The following CASZ1 variants were observed in gnomAD, a reference collection of about 807,000 sequenced individuals.
CASZ1 encodes zinc finger protein castor homolog 1.
A neutral mutation model predicts 135.2 loss-of-function variants in CASZ1; 28 were observed. The observed-to-expected ratio is 0.21, with a 90% CI of 0.15 to 0.28. The LOEUF (loss-of-function observed/expected upper bound fraction) is 0.28. CASZ1 is among the 10% of genes least tolerant of loss of function. CASZ1 has a pLI of 1.00. For synonymous variants in CASZ1, 1,068 were observed against 1,073.4 expected, an observed-to-expected ratio of 0.99 and a Z score of 0.10; for missense variants, 2,161 against 2,453.3, an observed-to-expected ratio of 0.88 and a Z score of 2.52.
intron 2 of CASZ1, among the ~76,000 whole-genome samples, chr1:10,740,390 T>A (rs1412039968): frequency 6.6e-6 from 1 of 152,198 alleles, no homozygotes; most frequent in Admixed American, 6.5e-5. Context: ...ATCTGTATAA[T>A]GGGAGAGTGA....
chr1:10,729,654 T>C (rs1002070002), intron 2 of CASZ1, among the ~76,000 whole-genome samples: 16 of 152,232 alleles, frequency 1.1e-4, no homozygotes, highest in Admixed American at 1.0e-3. Context: ...ACACAGTTTC[T>C]ACGTGCCCTA....
In CASZ1 at chr1:10,785,876, T is replaced by C. The variant is rs1463389183; in HGVS notation, c.-234+10688A>G. Among the ~76,000 whole-genome samples, 4 of 152,328 alleles carry C rather than the reference T, an allele frequency of 2.6e-5. No individual in the cohort carries two copies. In the East Asian group the frequency reaches 7.7e-4, roughly 29 times the overall value. ...AAGCTCAAAGTGGAACCCCAGCAAA[T>C]GTCAGCTGGGATCCTCTCATCTAAT... On this transcript the variant is annotated intron_variant, in intron 1 of 20. Coordinates refer to ENST00000377022, the MANE Select transcript of CASZ1 (RefSeq NM_001079843.3).
In CASZ1 at chr1:10,676,750, C is replaced by T. The variant is rs3762361; in HGVS notation, c.17-11179G>A. On this transcript the variant is annotated intron_variant, in intron 4 of 20. Transcript: ENST00000377022. This position sits in a 1 kb window ranked among gnomAD's most constrained non-coding sequence, Gnocchi z 4.5. ...GTGGACGCCTTTGCTGGTTCCTCCA[C>T]GTCCCAGCCACACAGGCCAGCAGGA... is the stretch of plus-strand genomic sequence containing the variant. 9.2e-3 allele frequency among the ~76,000 whole-genome samples: 1,403 copies of T among 152,358 alleles called. 22 individuals are homozygous for T. Among genetic ancestry groups the T allele is most frequent in the East Asian group, 0.043 (222 of 5,178 alleles).
chr1:10,648,932 T>G, intron 15 of CASZ1, 138 bp downstream of exon 15: 2 of 1,231,386 alleles, frequency 1.6e-6, no homozygotes, highest in Non-Finnish European at 2.2e-6. Context: ...CCACCCTTGC[T>G]GGGGCAGCAT....
At chr1:10,667,435 G>A (rs1277239988) in intron 4 of CASZ1, among the ~76,000 whole-genome samples, 4 of 152,188 alleles carry the variant, frequency 2.6e-5, no homozygotes, top group Admixed American at 2.6e-4. Flanking sequence ...ACCCAGGTTC[G>A]TCCACATCTC....
chr1:10,644,508 T>C (rs1311402979), intron 18 of CASZ1, among the ~76,000 whole-genome samples: 2 of 152,162 alleles, frequency 1.3e-5, no homozygotes, highest in Admixed American at 6.5e-5. Flanking sequence ...AAGAACAAAC[T>C]GTAGCTCACT....
chr1:10,794,276 G>T lies in CASZ1; in HGVS notation c.-234+2288C>A, dbSNP rs1641020824. ...GATCTGTTTTCCAGTCCCCTCGTGC[G>T]CTCTCACCGCGCGCCTGTACCAGCT... On this transcript the variant is annotated intron_variant, in intron 1 of 20. Coordinates refer to ENST00000377022, the MANE Select transcript of CASZ1 (RefSeq NM_001079843.3). The surrounding 1 kb of genome is among the most constrained non-coding windows in gnomAD (Gnocchi z 5.6). Among the ~76,000 whole-genome samples the T allele has an allele frequency of 6.6e-6, 1 of 152,032 alleles. No individual in the cohort carries two copies. Among genetic ancestry groups the T allele is most frequent in the South Asian group, 2.1e-4 (1 of 4,830 alleles).
At position 10,653,903 on chromosome 1, in the gene CASZ1, C is replaced by T. The variant is rs766612042; in HGVS notation, c.2154G>A (p.Glu718=). 6.2e-7 allele frequency: 1 copy of T among 1,613,486 alleles called. No homozygotes were observed. The highest frequency in any genetic ancestry group is 8.5e-7 in the Non-Finnish European group (1 of 1,179,768). Reference sequence around the variant, plus strand: ...CAACAAGGTCGTCGTTGCTGGACTCCTCGTGCTCCGTGTCCTTGGCGCCCA... The same window carrying T: ...CAACAAGGTCGTCGTTGCTGGACTCTTCGTGCTCCGTGTCCTTGGCGCCCA... ...SLLGAKDTEH[E]ESSNDDLVDF... is the part of the protein sequence containing the mutation. The change falls in exon 11 of 21, where the codon GAG becomes GAA. Residue 718 remains glutamate (E), a synonymous_variant. Coordinates refer to ENST00000377022, the MANE Select transcript of CASZ1 (RefSeq NM_001079843.3).
Position 10,777,944 on chromosome 1 carries a change from A to C in CASZ1, c.-233-17087T>G, listed in dbSNP as rs149068427. Among the ~76,000 whole-genome samples the C allele has an allele frequency of 3.4e-4, 52 of 151,850 alleles. No individual in the cohort carries two copies. The highest frequency in any genetic ancestry group is 1.2e-3 in the African/African-American group (51 of 41,402). ...ACAGTCTTCCACACCATTTCACACTATGTCACAACCACATACAATCTCATA... is the reference window on the plus strand; with the variant it reads ...ACAGTCTTCCACACCATTTCACACTCTGTCACAACCACATACAATCTCATA... On this transcript the variant is annotated intron_variant, in intron 1 of 20. Coordinates refer to ENST00000377022, the MANE Select transcript of CASZ1 (RefSeq NM_001079843.3). The surrounding 1 kb of genome is among the most constrained non-coding windows in gnomAD (Gnocchi z 4.4).
intron 8 of CASZ1, 139 bp downstream of exon 8, chr1:10,656,507 C>T: frequency 1.5e-6 from 1 of 658,418 alleles, no homozygotes; most frequent in Non-Finnish European, 2.7e-6. Flanking sequence ...GTTTTGCGGG[C>T]CCTCTACCTG....
In CASZ1 at chr1:10,639,578, G is replaced by A. The variant is rs1642128891; in HGVS notation, c.4644C>T (p.Phe1548=). The A allele has an allele frequency of 1.2e-6, 2 of 1,611,594 alleles. No homozygotes were observed. Among genetic ancestry groups the A allele is most frequent in the Non-Finnish European group, 1.7e-6 (2 of 1,179,244 alleles). ...AGTCGGCGCTGGAGCTGAACTGGCA[G>A]AAGCCCGCGGCGCTGATCACGTCCT... The part of the protein sequence containing the change: ...GKQDVISAAG[F]CQFSSSADCA... Residue 1548 remains phenylalanine (F), a synonymous_variant, in exon 21 of 21, where the codon TTC becomes TTT. Transcript: ENST00000377022. This position sits in a 1 kb window ranked among gnomAD's most constrained non-coding sequence, Gnocchi z 4.0.
At chr1:10,748,246 G>A (rs990221528) in intron 2 of CASZ1, among the ~76,000 whole-genome samples, 18 of 152,296 alleles carry the variant, frequency 1.2e-4, no homozygotes, top group East Asian at 7.7e-4. Flanking sequence ...GTGGCAGGCC[G>A]AGCCCTGTGT....
chr1:10,762,108 C>T lies in CASZ1; in HGVS notation c.-233-1251G>A, dbSNP rs1640389460. ...GCAGGAGTGCACGAACCCCTCCCCT[C>T]CTGCCTCCCAAGGTTGGACCTGAGT... On this transcript the variant is annotated intron_variant, in intron 1 of 20. Transcript: ENST00000377022. This position sits in a 1 kb window ranked among gnomAD's most constrained non-coding sequence, Gnocchi z 4.1. Among the ~76,000 whole-genome samples the T allele has an allele frequency of 6.6e-6, 1 of 152,180 alleles. No homozygotes were observed. The highest frequency in any genetic ancestry group is 1.5e-5 in the Non-Finnish European group (1 of 68,024).
Position 10,708,975 on chromosome 1 carries a change from G to GT in CASZ1, c.-76-3432_-76-3431insA, listed in dbSNP as rs1017723330. Among the ~76,000 whole-genome samples the GT allele has an allele frequency of 3.4e-5, 5 of 145,166 alleles. No individual in the cohort carries two copies. In the South Asian group the frequency reaches 1.2e-3, roughly 34 times the overall value. On this transcript the variant is annotated intron_variant, in intron 2 of 20. Coordinates refer to ENST00000377022, the MANE Select transcript of CASZ1 (RefSeq NM_001079843.3). ...AGCAAGGGATGGAGGACGGGGAGGG[G>GT]GGGGGCCATGGGTGAGGGAGGGAGG...
chr1:10,653,323 G>A (rs758978905), intron 11 of CASZ1, 54 bp downstream of exon 11: 30 of 1,577,872 alleles, frequency 1.9e-5, no homozygotes, highest in South Asian at 8.9e-5. Context: ...GAGGCCAGGT[G>A]GCCACCCCAG....
Position 10,700,939 on chromosome 1 carries a change from T to G in CASZ1, c.-24+4553A>C, listed in dbSNP as rs1639047946. 6.6e-6 allele frequency among the ~76,000 whole-genome samples: 1 copy of G among 152,092 alleles called. No individual in the cohort carries two copies. Among genetic ancestry groups the G allele is most frequent in the Non-Finnish European group, 1.5e-5 (1 of 67,988 alleles). On this transcript the variant is annotated intron_variant, in intron 3 of 20. Transcript: ENST00000377022. This position sits in a 1 kb window ranked among gnomAD's most constrained non-coding sequence, Gnocchi z 4.2. ...TCTCAATAAAGCGGTTATTAAAAAG[T>G]GGGGGAAAGACGGGGGATCATATTA...
chr1:10,654,346 G>A (rs1199977786), intron 10 of CASZ1, 73 bp downstream of exon 10: 12 of 1,583,028 alleles, frequency 7.6e-6, no homozygotes, highest in African/African-American at 1.3e-5. Context: ...GGCCTGAGCC[G>A]TCCCACGAGC....
At chr1:10,692,903 G>A (rs1348271518) in intron 4 of CASZ1, among the ~76,000 whole-genome samples, 5 of 152,142 alleles carry the variant, frequency 3.3e-5, no homozygotes, top group East Asian at 1.9e-4. Context: ...ATGAATGATC[G>A]GGCTGCTTGT....
In CASZ1 at chr1:10,660,107, T is replaced by A; in HGVS notation, c.935A>T (p.Tyr312Phe). 1 of 1,614,150 alleles carries A rather than the reference T, an allele frequency of 6.2e-7. No homozygotes were observed. The change falls in exon 6 of 21, where the codon TAC (tyrosine) becomes TTC (phenylalanine). Residue 312 changes from tyrosine (Y) to phenylalanine (F), a missense_variant. Tyr to Phe is a conservative substitution (Grantham distance 22). Around this residue, in one of 7 missense-constraint regions of CASZ1, gnomAD observed 590 missense variants for 609.8 expected, o/e 0.97. Transcript: ENST00000377022. Reference sequence around the variant, plus strand: ...CTTCAGTTTTTGGATGAAGAAGTCGTACTTGGAGGCCCGGGCTACCAGGTT... The same window carrying A: ...CTTCAGTTTTTGGATGAAGAAGTCGAACTTGGAGGCCCGGGCTACCAGGTT... The part of the protein sequence containing the change: ...MQNLVARASK[Y>F]DFFIQKLKTG...
Sources: gnomAD v4.1 joint callset for allele counts (sites outside exome capture counted in the v4.1 genomes callset) on GRCh38, gnomAD v4.1.1 for gene constraint, gnomAD v4.1.1 regional missense constraint, Gnocchi (gnomAD v3.1) non-coding constraint, MANE v1.5 for transcripts, NCBI Gene and HGNC (gene_info 2026-07-23, HGNC 2026-07-21) for gene names.